ITGA6: variants seen among roughly 807,000 people sequenced by gnomAD.
ITGA6 encodes the protein integrin subunit alpha 6.
A neutral mutation model predicts 133.6 loss-of-function variants in ITGA6; 63 were observed. The observed-to-expected ratio is 0.47, with a 90% CI of 0.38 to 0.58. ITGA6 has a LOEUF of 0.58. Ranked by LOEUF, ITGA6 falls within the 20% of genes least tolerant of loss-of-function variation. The pLI, the probability that ITGA6 is intolerant of heterozygous loss-of-function variation, is 0.00. For missense variants in ITGA6, 1,068 were observed against 1,309.4 expected (o/e 0.82, Z 2.85); for synonymous variants, 434 against 482.0 (o/e 0.90, Z 1.30).
chr2:172,489,708 C>CT (rs1248290358), intron 20 of ITGA6, 50 bp downstream of exon 20: 3 of 1,494,964 alleles, frequency 2.0e-6, no homozygotes, highest in East Asian at 2.3e-5. Flanking sequence ...ATTAGAGAAA[C>CT]TAACTTGTTA....
intron 1 of ITGA6, among the ~76,000 whole-genome samples, chr2:172,457,323 A>G (rs568723603): frequency 6.6e-6 from 1 of 151,586 alleles, no homozygotes; most frequent in Admixed American, 6.6e-5. Flanking sequence ...AAAGAAGCAA[A>G]GAAATTTAGT....
In ITGA6 at chr2:172,504,637, C is replaced by T. The variant is rs1304432660; in HGVS notation, c.*569C>T. The stretch of plus-strand genomic sequence containing the variant: ...ACTAACAGAGTGGCCGTCCTAACCT[C>T]GGGCCTGCTGCGCAGACGTCCATCA... On this transcript the variant is annotated 3_prime_UTR_variant, in exon 26 of 26. Coordinates refer to ENST00000684293, the MANE Select transcript of ITGA6 (RefSeq NM_000210.4). The T allele has an allele frequency of 2.5e-5, 4 of 159,976 alleles. No individual in the cohort carries two copies. Among genetic ancestry groups the T allele is most frequent in the Non-Finnish European group, 5.5e-5 (4 of 72,924 alleles). The allele number at this position is 159,976 out of a possible 1,614,324, so 9.9% of individuals were successfully genotyped here.
intron 1 of ITGA6, among the ~76,000 whole-genome samples, chr2:172,438,266 G>A (rs1010447809): frequency 7.9e-5 from 12 of 151,738 alleles, no homozygotes; most frequent in Non-Finnish European, 7.4e-5. Flanking sequence ...TAGGTGAGAG[G>A]ACGTACCGTG....
intron 1 of ITGA6, among the ~76,000 whole-genome samples, chr2:172,462,114 A>G (rs571004821): frequency 6.6e-6 from 1 of 152,268 alleles, no homozygotes; most frequent in African/African-American, 2.4e-5. Context: ...GGTTGGGGTT[A>G]CTGTGTTCTC....
At chr2:172,478,253 A>T (rs1468172529) in intron 9 of ITGA6, among the ~76,000 whole-genome samples, 7 of 152,340 alleles carry the variant, frequency 4.6e-5, no homozygotes, top group Middle Eastern at 3.4e-3. Context: ...TTGACCCTTT[A>T]TTGGACCCTA....
chr2:172,456,550 G>T (rs1241885674), intron 1 of ITGA6, among the ~76,000 whole-genome samples: 1 of 152,194 alleles, frequency 6.6e-6, no homozygotes, highest in Admixed American at 6.5e-5. Flanking sequence ...CTGTCCTGGG[G>T]AAACCTGGAC....
At chr2:172,439,144 A>G (rs1176791660) in intron 1 of ITGA6, among the ~76,000 whole-genome samples, 1 of 151,746 alleles carries the variant, frequency 6.6e-6, no homozygotes, top group Non-Finnish European at 1.5e-5. Flanking sequence ...GAGGGCGTTG[A>G]CTGGGTGTGT....
At chr2:172,461,093 C>T (rs767805456) in intron 1 of ITGA6, among the ~76,000 whole-genome samples, 8 of 152,164 alleles carry the variant, frequency 5.3e-5, no homozygotes, top group Non-Finnish European at 1.0e-4. Flanking sequence ...TTGAAATAAC[C>T]TTGTGTTCAT....
intron 1 of ITGA6, among the ~76,000 whole-genome samples, chr2:172,442,911 C>A (rs1429824615): frequency 6.6e-6 from 1 of 151,912 alleles, no homozygotes; most frequent in African/African-American, 2.4e-5. Context: ...CCATCATTTT[C>A]TCTGCAAGAT....
Position 172,485,261 on chromosome 2 carries a change from T to G in ITGA6, c.1851T>G (p.Ile617Met). 2 of 1,614,020 alleles carry G rather than the reference T, an allele frequency of 1.2e-6. No individual in the cohort carries two copies. The highest frequency in any genetic ancestry group is 2.2e-5 in the South Asian group (2 of 91,078). The change falls in exon 13 of 26, where the codon ATT (isoleucine) becomes ATG (methionine). Residue 617 changes from isoleucine (I) to methionine (M), a missense_variant. This residue lies in a region of ITGA6 where 609 missense variants were observed against 707.2 expected (regional missense o/e 0.86). Coordinates refer to ENST00000684293, the MANE Select transcript of ITGA6 (RefSeq NM_000210.4). ...CAGATGAACCCAAGACAGCTCATAT[T>G]GATGTAAGTCTCTCTGACTTTCATT... ...LNSDEPKTAH[I>M]DVHFLKEGCG...
intron 1 of ITGA6, among the ~76,000 whole-genome samples, chr2:172,444,279 T>C (rs1389363168): frequency 6.6e-6 from 1 of 152,258 alleles, no homozygotes; most frequent in Middle Eastern, 3.4e-3. Flanking sequence ...TTTCTGGAGG[T>C]AGTAGCTGCT....
chr2:172,451,574 T>C (rs1010044350), intron 1 of ITGA6, among the ~76,000 whole-genome samples: 1 of 151,976 alleles, frequency 6.6e-6, no homozygotes, highest in East Asian at 1.9e-4. Flanking sequence ...TACTAGGCAA[T>C]TGAATATCTG....
At chr2:172,443,948 T>C (rs1205406986) in intron 1 of ITGA6, among the ~76,000 whole-genome samples, 1 of 152,064 alleles carries the variant, frequency 6.6e-6, no homozygotes, top group Non-Finnish European at 1.5e-5. Context: ...CTAATCTTTG[T>C]ATTTTTTGTA....
intron 9 of ITGA6, among the ~76,000 whole-genome samples, chr2:172,478,464 G>C (rs1035964706): frequency 6.6e-6 from 1 of 152,174 alleles, no homozygotes; most frequent in Admixed American, 6.5e-5. Context: ...GAGTTCTGGT[G>C]GGGAGCAATG....
At chr2:172,445,351 T>A (rs62930260) in intron 1 of ITGA6, among the ~76,000 whole-genome samples, 4 of 134,710 alleles carry the variant, frequency 3.0e-5, no homozygotes, top group Non-Finnish European at 3.2e-5. Context: ...TTTTTTTTTT[T>A]AACAAAAAAA....
intron 1 of ITGA6, among the ~76,000 whole-genome samples, chr2:172,428,874 A>AT (rs1261149668): frequency 6.6e-6 from 1 of 152,232 alleles, no homozygotes; most frequent in Admixed American, 6.5e-5. Flanking sequence ...ATGATCGGCT[A>AT]TTTAAGCCGG....
intron 1 of ITGA6, 47 bp downstream of exon 1, chr2:172,428,017 C>A: frequency 6.4e-6 from 10 of 1,570,716 alleles, no homozygotes; most frequent in Non-Finnish European, 8.6e-6. Flanking sequence ...CCGGCCTGCG[C>A]GCGAGTTGAG....
intron 2 of ITGA6, 93 bp from the exon 3 acceptor site, chr2:172,467,388 A>C: frequency 1.1e-6 from 1 of 915,492 alleles, no homozygotes; most frequent in Non-Finnish European, 1.8e-6. Flanking sequence ...CTCAGAGTCG[A>C]GGCCATTTGG....
chr2:172,455,482 G>A (rs528442698), intron 1 of ITGA6, among the ~76,000 whole-genome samples: 1 of 152,168 alleles, frequency 6.6e-6, no homozygotes, highest in Non-Finnish European at 1.5e-5. Flanking sequence ...ATGGAGAAGG[G>A]CCAGCAAGAG....
Sources: allele counts gnomAD v4.1 joint callset (sites outside exome capture counted in the v4.1 genomes callset), GRCh38; gene constraint gnomAD v4.1.1; regional missense constraint gnomAD v4.1.1; transcripts MANE v1.5; gene names NCBI Gene and HGNC (gene_info 2026-07-23, HGNC 2026-07-21).